Variants in NFKB1 observed in about 807,000 individuals in gnomAD.
NFKB1 encodes the protein nuclear factor NF-kappa-B p105 subunit.
In NFKB1, 9 loss-of-function variants were observed where a neutral mutation model predicts 105.1. That is an observed-to-expected ratio of 0.09 (90% confidence interval 0.05 to 0.15). The LOEUF (loss-of-function observed/expected upper bound fraction) is 0.15. Among genes scored for constraint, NFKB1 ranks in the 10% least tolerant of loss-of-function variants. The pLI, the probability that NFKB1 is intolerant of heterozygous loss-of-function variation, is 1.00. For missense variants in NFKB1, 830 were observed against 1,203.7 expected, an observed-to-expected ratio of 0.69 and a Z score of 4.59; for synonymous variants, 440 against 442.2, an observed-to-expected ratio of 1.00 and a Z score of 0.06.
At chr4:102,516,505 GT>G (rs1430348730) in intron 1 of NFKB1, among the ~76,000 whole-genome samples, 1 of 151,618 alleles carries the variant, frequency 6.6e-6, no homozygotes, top group African/African-American at 2.4e-5. Flanking sequence ...TAGTTTATTG[GT>G]ACTTTCTTCT....
intron 5 of NFKB1, among the ~76,000 whole-genome samples, chr4:102,549,691 A>C (rs1722426640): frequency 6.6e-6 from 1 of 151,896 alleles, no homozygotes; most frequent in Non-Finnish European, 1.5e-5. Context: ...TGAATTTCAA[A>C]TCTTCCCCAC....
At chr4:102,532,903 G>T (rs1160846464) in intron 3 of NFKB1, among the ~76,000 whole-genome samples, 6 of 152,104 alleles carry the variant, frequency 3.9e-5, no homozygotes, top group Non-Finnish European at 8.8e-5. Context: ...ATAAAAATCA[G>T]CTGGGAAGCT....
chr4:102,511,019 G>A (rs1474305947), intron 1 of NFKB1: 1 of 1,078,280 alleles, frequency 9.3e-7, no homozygotes, highest in South Asian at 1.4e-5. Context: ...GAGGAGGGGT[G>A]GAGTAGGGGA....
At chr4:102,543,332 C>T (rs1721870533) in intron 5 of NFKB1, among the ~76,000 whole-genome samples, 1 of 152,074 alleles carries the variant, frequency 6.6e-6, no homozygotes, top group Non-Finnish European at 1.5e-5. Flanking sequence ...GTGGTCCACT[C>T]TATGCAAAAC....
chr4:102,615,872 A>G (rs1728901009), intron 23 of NFKB1, among the ~76,000 whole-genome samples: 2 of 152,226 alleles, frequency 1.3e-5, no homozygotes, highest in Admixed American at 6.5e-5. Flanking sequence ...TGTCTTGGTC[A>G]TATCCCTAAG....
rs1370050305 is a variant in NFKB1, at chr4:102,613,580, A to C, written c.2748A>C (p.Ile916=). Residue 916 remains isoleucine (I), a splice_region_variant and synonymous_variant, in exon 23 of 24, where the codon ATA becomes ATC. Coordinates refer to ENST00000226574, the MANE Select transcript of NFKB1 (RefSeq NM_003998.4). ...CGCCTGCCTCCACAAGGCAGCAAAT[A>C]GGTAAAAAAAAAGACAAAAGACAGT... The part of the protein sequence containing the change: ...PLSPASTRQQ[I]DELRDSDSVC... 6.2e-7 allele frequency: 1 copy of C among 1,610,346 alleles called. No individual in the cohort carries two copies. Among genetic ancestry groups the C allele is most frequent in the East Asian group, 2.2e-5 (1 of 44,772 alleles).
rs1728650296 is a variant in NFKB1, at chr4:102,613,587, A to AC, written c.2749+6_2749+7insC. The AC allele has an allele frequency of 6.2e-7, 1 of 1,611,316 alleles. No individual in the cohort carries two copies. The highest frequency in any genetic ancestry group is 2.2e-5 in the East Asian group (1 of 44,852). ...CTCCACAAGGCAGCAAATAGGTAAA[A>AC]AAAAAGACAAAAGACAGTGGAGATA... On this transcript the variant is annotated splice_region_variant and intron_variant, in intron 23 of 23. Coordinates refer to ENST00000226574, the MANE Select transcript of NFKB1 (RefSeq NM_003998.4).
At chr4:102,574,898 G>A (rs773454842) in intron 6 of NFKB1, among the ~76,000 whole-genome samples, 3 of 152,118 alleles carry the variant, frequency 2.0e-5, no homozygotes, top group Non-Finnish European at 2.9e-5. Flanking sequence ...GACTAGATTA[G>A]GCAATATACA....
intron 5 of NFKB1, among the ~76,000 whole-genome samples, chr4:102,557,423 C>G (rs147447495): frequency 6.6e-6 from 1 of 152,316 alleles, no homozygotes; most frequent in East Asian, 1.9e-4. Flanking sequence ...CCAGCTATGT[C>G]TTACTCCAAA....
chr4:102,564,883 G>A (rs1305671438), intron 5 of NFKB1, among the ~76,000 whole-genome samples: 1 of 152,190 alleles, frequency 6.6e-6, no homozygotes, highest in Admixed American at 6.5e-5. Flanking sequence ...TAATTACATG[G>A]TTTATTTCGT....
intron 1 of NFKB1, among the ~76,000 whole-genome samples, chr4:102,505,439 G>C (rs931337402): frequency 7.2e-5 from 11 of 152,250 alleles, no homozygotes; most frequent in African/African-American, 2.6e-4. Flanking sequence ...AATTTCATCT[G>C]CTTTAATTTA....
rs767318470 is a variant in NFKB1 at position 102,606,515 on chromosome 4, T to C, written c.1772T>C (p.Val591Ala). ...DLYQTPLHLAVITKQEDVVED... is the reference protein window; with the variant it reads ...DLYQTPLHLAAITKQEDVVED... ...TTCCAGACGCCCTTGCACTTGGCAG[T>C]GATCACTAAGCAGGAAGATGTGGTG... The change falls in exon 17 of 24, where the codon GTG becomes GCG. Residue 591 changes from valine (V) to alanine (A), a missense_variant. Around this residue, in one of 8 missense-constraint regions of NFKB1, gnomAD observed 418 missense variants for 575.3 expected, o/e 0.73. Coordinates refer to ENST00000226574, the MANE Select transcript of NFKB1 (RefSeq NM_003998.4). 6.2e-7 allele frequency: 1 copy of C among 1,614,096 alleles called. No homozygotes were observed.
chr4:102,510,557 T>C (rs1739712753), intron 1 of NFKB1, among the ~76,000 whole-genome samples: 1 of 152,208 alleles, frequency 6.6e-6, no homozygotes, highest in Non-Finnish European at 1.5e-5. Context: ...TGTGAGTAAG[T>C]ACCAAGCCAA....
intron 7 of NFKB1, chr4:102,578,128 C>G (rs1578786775): frequency 3.4e-6 from 1 of 296,236 alleles, no homozygotes; most frequent in Admixed American, 6.5e-5. Context: ...TATTTTTGCT[C>G]TCTCCTCTTC....
chr4:102,616,392 G>A, intron 23 of NFKB1, 42 bp from the exon 24 acceptor site: 1 of 1,606,418 alleles, frequency 6.2e-7, no homozygotes, highest in Non-Finnish European at 8.5e-7. Context: ...GCTTTTTAGA[G>A]CCCGGCCATT....
intron 5 of NFKB1, among the ~76,000 whole-genome samples, chr4:102,561,151 G>A (rs1289575570): frequency 6.6e-6 from 1 of 152,102 alleles, no homozygotes; most frequent in Non-Finnish European, 1.5e-5. Flanking sequence ...AGGTCATTCT[G>A]TCCTTCCTGG....
chr4:102,530,040 A>G (rs1741184841), intron 3 of NFKB1, 126 bp downstream of exon 3: 1 of 658,900 alleles, frequency 1.5e-6, no homozygotes, highest in South Asian at 2.1e-5. Flanking sequence ...TTTGTTTTAA[A>G]AACCAATCTT....
At position 102,600,994 on chromosome 4, in the gene NFKB1, A is replaced by G. The variant is rs1470085160; in HGVS notation, c.1737A>G (p.Arg579=). The change falls in exon 16 of 24, where the codon AGA becomes AGG. Residue 579 remains arginine, a synonymous_variant. Coordinates refer to ENST00000226574, the MANE Select transcript of NFKB1 (RefSeq NM_003998.4). ...TTTCTGATGACATTATCAACATGAG[A>G]AATGATCTGTACCAGGTAAGCAGAA... ...GLISDDIINM[R]NDLYQTPLHL... The G allele has an allele frequency of 6.3e-7, 1 of 1,593,560 alleles. No homozygotes were observed. The highest frequency in any genetic ancestry group is 1.7e-5 in the Admixed American group (1 of 59,878).
chr4:102,542,768 C>T (rs534324252), intron 5 of NFKB1, among the ~76,000 whole-genome samples: 43 of 152,300 alleles, frequency 2.8e-4, no homozygotes, highest in Admixed American at 7.8e-4. Context: ...TCAAACTGGA[C>T]GCCATTGAAG....
Sources: gnomAD v4.1 joint callset for allele counts (sites outside exome capture counted in the v4.1 genomes callset) on GRCh38, gnomAD v4.1.1 for gene constraint, gnomAD v4.1.1 regional missense constraint, MANE v1.5 for transcripts, NCBI Gene and HGNC (gene_info 2026-07-23, HGNC 2026-07-21) for gene names.